The following VCAM1 variants were observed in gnomAD, a reference collection of about 807,000 sequenced individuals.
The protein encoded by VCAM1 is vascular cell adhesion molecule 1, also known as vascular cell adhesion protein 1.
A neutral mutation model predicts 63.8 loss-of-function variants in VCAM1; 41 were observed. The ratio of observed to expected loss-of-function variants is 0.64; its 90% CI spans 0.50 to 0.83. The LOEUF (loss-of-function observed/expected upper bound fraction) is 0.83. VCAM1 is among the 40% of genes least tolerant of loss of function. The pLI, the probability that VCAM1 is intolerant of heterozygous loss-of-function variation, is 0.00. For missense variants in VCAM1, 798 were observed against 875.5 expected (o/e 0.91, Z 1.12); for synonymous variants, 338 against 320.7 (o/e 1.05, Z -0.58).
intron 3 of VCAM1, 93 bp downstream of exon 3, chr1:100,723,433 A>C: frequency 7.7e-7 from 1 of 1,301,500 alleles, no homozygotes; most frequent in Non-Finnish European, 1.1e-6. Context: ...AAAAAAAAAA[A>C]ACTTGTATAT....
At chr1:100,727,401 A>G (rs552571049) in intron 4 of VCAM1, among the ~76,000 whole-genome samples, 1 of 152,210 alleles carries the variant, frequency 6.6e-6, no homozygotes, top group African/African-American at 2.4e-5. Context: ...TCTCGGTTGG[A>G]TGTTAGGTTA....
At chr1:100,727,041 T>TTGTGTGTG (rs1491443170) in intron 4 of VCAM1, among the ~76,000 whole-genome samples, 1 of 67,596 alleles carries the variant, frequency 1.5e-5, no homozygotes, top group Non-Finnish European at 2.9e-5. Context: ...AAATCAGGAA[T>TTGTGTGTG]TCTGTGTGTG....
intron 4 of VCAM1, among the ~76,000 whole-genome samples, chr1:100,728,615 G>C (rs1557904373): frequency 6.6e-6 from 1 of 151,636 alleles, no homozygotes; most frequent in Non-Finnish European, 1.5e-5. Context: ...AGAAGAAAAA[G>C]GAGGGGGAAA....
Position 100,720,517 on chromosome 1 carries a change from C to G in VCAM1, c.106C>G (p.Leu36Val). ...CGAGACCACCCCAGAATCTAGATAT[C>G]TTGCTCAGATTGGTGACTCCGTCTC... is the stretch of plus-strand genomic sequence containing the variant. ...KIETTPESRY[L>V]AQIGDSVSLT... The change falls in exon 2 of 9, where the codon CTT becomes GTT. Residue 36 changes from leucine to valine, a missense_variant. Transcript: ENST00000294728. 3 of 1,613,174 alleles carry G rather than the reference C, an allele frequency of 1.9e-6. No individual in the cohort carries two copies. Among genetic ancestry groups the G allele is most frequent in the South Asian group, 2.2e-5 (2 of 91,028 alleles).
intron 4 of VCAM1, among the ~76,000 whole-genome samples, chr1:100,727,391 T>C (rs1445592139): frequency 6.6e-6 from 1 of 152,068 alleles, no homozygotes; most frequent in Non-Finnish European, 1.5e-5. Context: ...AAGTGGATTA[T>C]CTCGGTTGGA....
intron 3 of VCAM1, 71 bp downstream of exon 3, chr1:100,723,411 G>C (rs952000429): frequency 6.9e-7 from 1 of 1,443,034 alleles, no homozygotes; most frequent in Non-Finnish European, 9.3e-7. Context: ...AATAAACTTA[G>C]CAGAAAAGTA....
Position 100,738,345 on chromosome 1 carries a change from A to C in VCAM1, c.*62A>C. 2.8e-5 allele frequency: 43 copies of C among 1,514,778 alleles called. No homozygotes were observed. Among genetic ancestry groups the C allele is most frequent in the Non-Finnish European group, 3.3e-5 (37 of 1,122,166 alleles). 93.8% of individuals were successfully genotyped at this position (1,514,778 alleles called of 1,614,324 possible). A position where few individuals can be genotyped will look rare whatever the true frequency, so the allele number is the denominator to read the frequency against. On this transcript the variant is annotated 3_prime_UTR_variant, in exon 9 of 9. Transcript: ENST00000294728. ...TCTGTGCAAATCCTTGATACTGCTC[A>C]TCATTCCTTGAGAAAAACAATGAGC...
At chr1:100,725,778 A>G (rs1407436461) in intron 4 of VCAM1, among the ~76,000 whole-genome samples, 1 of 151,940 alleles carries the variant, frequency 6.6e-6, no homozygotes, top group Non-Finnish European at 1.5e-5. Context: ...CTTTTTTAAA[A>G]TATTTTTAAT....
intron 2 of VCAM1, among the ~76,000 whole-genome samples, chr1:100,721,942 T>G (rs1351675790): frequency 4.6e-5 from 7 of 152,096 alleles, no homozygotes; most frequent in African/African-American, 1.7e-4. Context: ...CCAGCTCCTT[T>G]GTCTTTTGCC....
intron 5 of VCAM1, among the ~76,000 whole-genome samples, 180 bp downstream of exon 5, chr1:100,729,562 A>G (rs370202709): frequency 1.3e-5 from 2 of 152,172 alleles, no homozygotes; most frequent in African/African-American, 4.8e-5. Flanking sequence ...TTAAATCTTA[A>G]ATATATATTA....
At position 100,729,125 on chromosome 1, in the gene VCAM1, A is replaced by C. The variant is rs776942875; in HGVS notation, c.947A>C (p.Glu316Ala). ...LIVQEKPFTV[E>A]ISPGPRIAAQ... ...GTCCCAGAGAAACCATTTACTGTTGAGATCTCCCCTGGACCCCGGATTGCT... is the reference window on the plus strand; with the variant it reads ...GTCCCAGAGAAACCATTTACTGTTGCGATCTCCCCTGGACCCCGGATTGCT... Residue 316 changes from glutamate to alanine, a missense_variant, in exon 5 of 9, where the codon GAG becomes GCG. Transcript: ENST00000294728. 1.3e-5 allele frequency: 20 copies of C among 1,561,102 alleles called. No individual in the cohort carries two copies. The South Asian group carries it at 2.3e-4, about 18-fold the overall frequency.
At chr1:100,727,085 T>C (rs1312866118) in intron 4 of VCAM1, among the ~76,000 whole-genome samples, 1 of 133,356 alleles carries the variant, frequency 7.5e-6, no homozygotes, top group Non-Finnish European at 1.6e-5. Context: ...GTGTGAATGT[T>C]TGGATTCTTA....
intron 2 of VCAM1, among the ~76,000 whole-genome samples, chr1:100,720,974 C>T (rs1281313331): frequency 6.6e-6 from 1 of 151,986 alleles, no homozygotes; most frequent in Admixed American, 6.6e-5. Flanking sequence ...ACACAGTGAC[C>T]ATGTATAAGA....
chr1:100,726,780 G>A (rs1173625639), intron 4 of VCAM1, among the ~76,000 whole-genome samples: 1 of 152,088 alleles, frequency 6.6e-6, no homozygotes, highest in Non-Finnish European at 1.5e-5. Flanking sequence ...AACTAGGAAG[G>A]AAGGACAGGC....
At chr1:100,732,101 A>G (rs1183495068) in intron 6 of VCAM1, among the ~76,000 whole-genome samples, 1 of 152,128 alleles carries the variant, frequency 6.6e-6, no homozygotes, top group East Asian at 1.9e-4. Context: ...ACAGAAGGAG[A>G]TTCAAATAAT....
chr1:100,719,998 T>C (rs1171568274), intron 1 of VCAM1, 74 bp downstream of exon 1: 31 of 1,528,676 alleles, frequency 2.0e-5, no homozygotes, highest in Non-Finnish European at 2.8e-5. Context: ...CAGTCAGTTT[T>C]GCGATAGTAG....
intron 6 of VCAM1, among the ~76,000 whole-genome samples, chr1:100,732,178 T>C (rs1469270228): frequency 6.6e-6 from 1 of 152,128 alleles, no homozygotes; most frequent in Non-Finnish European, 1.5e-5. Flanking sequence ...CATTCTTTGG[T>C]TGCAAGGAAG....
Position 100,720,751 on chromosome 1 carries a change from T to A in VCAM1, c.340T>A (p.Ser114Thr), listed in dbSNP as rs766814579. The change falls in exon 2 of 9, where the codon TCT becomes ACT. Residue 114 changes from serine (S) to threonine (T), a missense_variant and splice_region_variant. Physicochemically the swap from Ser to Thr is moderately conservative, Grantham distance 58. Transcript: ENST00000294728. ...LEKGIQVEIY[S>T]FPKDPEIHLS... ...AAAAGGAATCCAGGTGGAGATCTAC[T>A]GTGAGTGCTTTAGAAAATCTTTGTT... 12 of 1,578,292 alleles carry A rather than the reference T, an allele frequency of 7.6e-6. No individual in the cohort carries two copies. The highest frequency in any genetic ancestry group is 1.0e-5 in the Non-Finnish European group (12 of 1,159,190).
intron 2 of VCAM1, 129 bp downstream of exon 2, chr1:100,720,880 A>T (rs768613407): frequency 1.9e-5 from 22 of 1,164,428 alleles, no homozygotes; most frequent in Non-Finnish European, 2.4e-5. Flanking sequence ...AACATACAAC[A>T]TCAGGAAAGC....
Sources: gnomAD v4.1 joint callset for allele counts (sites outside exome capture counted in the v4.1 genomes callset) on GRCh38, gnomAD v4.1.1 for gene constraint, MANE v1.5 for transcripts, NCBI Gene and HGNC (gene_info 2026-07-23, HGNC 2026-07-21) for gene names.